CDH13: variants seen among roughly 807,000 people sequenced by gnomAD.
CDH13 encodes the protein cadherin 13.
CDH13 carries 24 observed loss-of-function variants against 63.8 expected under a neutral mutation model. The ratio of observed to expected loss-of-function variants is 0.38; its 90% CI spans 0.27 to 0.53. The LOEUF is 0.53. CDH13 is among the 20% of genes least tolerant of loss of function. The probability of loss-of-function intolerance (pLI) is 0.85; values close to 1 mark genes in which losing one functional copy is unlikely to be tolerated. For missense variants in CDH13, 1,049 were observed against 903.1 expected, an observed-to-expected ratio of 1.16 and a Z score of -2.07; for synonymous variants, 503 against 355.3, an observed-to-expected ratio of 1.42 and a Z score of -4.67.
intron 2 of CDH13, among the ~76,000 whole-genome samples, chr16:82,933,040 C>T (rs1038323681): frequency 1.3e-5 from 2 of 152,122 alleles, no homozygotes; most frequent in South Asian, 4.1e-4. Flanking sequence ...TATGACATAT[C>T]TTTGAGAAAG....
chr16:83,676,133 C>G (rs1567507576), intron 9 of CDH13, among the ~76,000 whole-genome samples: 1 of 152,162 alleles, frequency 6.6e-6, no homozygotes, highest in Non-Finnish European at 1.5e-5. Flanking sequence ...CCAGTTGTCC[C>G]CAGCCGAGGA....
At chr16:83,102,936 TTTTTTCTTTTTC>T (rs2034563805) in intron 3 of CDH13, among the ~76,000 whole-genome samples, 4 of 111,892 alleles carry the variant, frequency 3.6e-5, no homozygotes, top group South Asian at 2.5e-4. Context: ...TTTTCTTTTT[TTTTTTCTTTTTC>T]TTTTTTTTTT....
chr16:82,637,652 T>G (rs1908837733), intron 1 of CDH13: 1 of 151,592 alleles, frequency 6.6e-6, no homozygotes, highest in East Asian at 2.0e-4. Context: ...TTAGCCAGGA[T>G]GGTCTCGATC....
At chr16:82,926,362 A>C (rs1479182650) in intron 2 of CDH13, among the ~76,000 whole-genome samples, 1 of 152,224 alleles carries the variant, frequency 6.6e-6, no homozygotes, top group Non-Finnish European at 1.5e-5. Flanking sequence ...AAGGTATTAA[A>C]ACATTTTCGC....
At chr16:82,747,090 C>G (rs1051477345) in intron 1 of CDH13, among the ~76,000 whole-genome samples, 1 of 152,112 alleles carries the variant, frequency 6.6e-6, no homozygotes, top group African/African-American at 2.4e-5. Context: ...TATGCTTTCT[C>G]AATACAATGA....
chr16:82,985,056 G>A (rs190663783), intron 2 of CDH13, among the ~76,000 whole-genome samples: 1 of 152,296 alleles, frequency 6.6e-6, no homozygotes, highest in South Asian at 2.1e-4. Flanking sequence ...TTAACTTACT[G>A]AGACTGAGAA....
At chr16:82,816,892 A>T (rs1399461555) in intron 1 of CDH13, among the ~76,000 whole-genome samples, 33 of 151,882 alleles carry the variant, frequency 2.2e-4, no homozygotes, top group Non-Finnish European at 2.9e-5. Context: ...CGAAAGGATA[A>T]TGTGATGCTT....
At chr16:83,043,229 C>T (rs569910468) in intron 3 of CDH13, among the ~76,000 whole-genome samples, 2 of 152,168 alleles carry the variant, frequency 1.3e-5, no homozygotes, top group African/African-American at 4.8e-5. Flanking sequence ...CTTTAAGGAT[C>T]AGAATCTAAG....
intron 2 of CDH13, among the ~76,000 whole-genome samples, chr16:82,988,237 C>T (rs1026681313): frequency 4.6e-5 from 7 of 152,072 alleles, no homozygotes; most frequent in Non-Finnish European, 7.4e-5. Flanking sequence ...CACGCACACA[C>T]GTGTTCTTTT....
At chr16:83,109,779 C>T (rs764154154) in intron 3 of CDH13, among the ~76,000 whole-genome samples, 28 of 152,172 alleles carry the variant, frequency 1.8e-4, no homozygotes, top group Non-Finnish European at 3.5e-4. Context: ...TTTATCAGTG[C>T]CAGAGCAGAT....
intron 7 of CDH13, among the ~76,000 whole-genome samples, chr16:83,594,000 T>C (rs774209930): frequency 6.6e-6 from 1 of 152,236 alleles, no homozygotes; most frequent in African/African-American, 2.4e-5. Flanking sequence ...CTCAGGAATC[T>C]GGGCATTTCT....
At chr16:83,017,766 C>A (rs1473501711) in intron 2 of CDH13, among the ~76,000 whole-genome samples, 1 of 152,026 alleles carries the variant, frequency 6.6e-6, no homozygotes, top group Non-Finnish European at 1.5e-5. Context: ...TCATGTAATC[C>A]CCAAGGTGTG....
chr16:83,342,450 T>C (rs2090746262), intron 5 of CDH13, among the ~76,000 whole-genome samples: 1 of 152,216 alleles, frequency 6.6e-6, no homozygotes. Flanking sequence ...TTAACAGCCC[T>C]TCACTGTTTT....
chr16:82,793,042 C>T lies in CDH13; in HGVS notation c.46-65320C>T, dbSNP rs554461774. On this transcript the variant is annotated intron_variant, in intron 1 of 13. Coordinates refer to ENST00000567109, the MANE Select transcript of CDH13 (RefSeq NM_001257.5). The stretch of plus-strand genomic sequence containing the variant: ...GACTTGACTTTGGGCAGCAGTCTGC[C>T]CCTGATGGAGTTATTCACAGATGGC... Among the ~76,000 whole-genome samples the T allele has an allele frequency of 2.6e-5, 4 of 152,268 alleles. No homozygotes were observed. The East Asian group carries it at 7.7e-4, about 29-fold the overall frequency.
intron 6 of CDH13, among the ~76,000 whole-genome samples, chr16:83,458,911 A>G (rs2073095690): frequency 6.6e-6 from 1 of 152,230 alleles, no homozygotes; most frequent in Non-Finnish European, 1.5e-5. Flanking sequence ...CTGCTTCTAG[A>G]TATTGTCAAG....
chr16:83,663,554 A>G (rs1015652518), intron 8 of CDH13, among the ~76,000 whole-genome samples: 3 of 152,126 alleles, frequency 2.0e-5, no homozygotes, highest in Admixed American at 1.3e-4. Context: ...TAACCCGAAA[A>G]GTTAGTGTCT....
At chr16:83,406,320 C>A (rs1208934776) in intron 6 of CDH13, among the ~76,000 whole-genome samples, 1 of 152,170 alleles carries the variant, frequency 6.6e-6, no homozygotes, top group Non-Finnish European at 1.5e-5. Context: ...CTTCCTGAAT[C>A]TCCCACCATC....
chr16:82,842,215 T>G (rs1167330027), intron 1 of CDH13, among the ~76,000 whole-genome samples: 3 of 147,416 alleles, frequency 2.0e-5, no homozygotes, highest in African/African-American at 7.6e-5. Flanking sequence ...CATTCCTATC[T>G]TCTCAAAAAT....
At chr16:83,233,061 T>C (rs981853231) in intron 5 of CDH13, among the ~76,000 whole-genome samples, 19 of 152,162 alleles carry the variant, frequency 1.2e-4, no homozygotes, top group African/African-American at 3.9e-4. Flanking sequence ...CTTTTCCAGA[T>C]TGGCGGCAGG....
Sources: gnomAD v4.1 joint callset for allele counts (sites outside exome capture counted in the v4.1 genomes callset) on GRCh38, gnomAD v4.1.1 for gene constraint, MANE v1.5 for transcripts, NCBI Gene and HGNC (gene_info 2026-07-23, HGNC 2026-07-21) for gene names.